Variants in YEATS4 observed in about 807,000 individuals in gnomAD.
YEATS4 encodes the protein YEATS domain containing 4, also known as YEATS domain-containing protein 4.
A neutral mutation model predicts 30.1 loss-of-function variants in YEATS4; 17 were observed. The ratio of observed to expected loss-of-function variants is 0.56; its 90% CI spans 0.39 to 0.85. The LOEUF (loss-of-function observed/expected upper bound fraction) is 0.85. YEATS4 is among the 40% of genes least tolerant of loss of function. The pLI is 0.00. For synonymous variants in YEATS4, 85 were observed against 87.5 expected (o/e 0.97, Z 0.16); for missense variants, 142 against 268.3 (o/e 0.53, Z 3.29).
the YEATS4 span, among the ~76,000 whole-genome samples, chr12:69,420,412 A>T: frequency 6.6e-6 from 1 of 151,484 alleles, no homozygotes; most frequent in East Asian, 2.0e-4. Context: ...GGTTAGGGGG[A>T]GGGGGACAGA....
chr12:69,420,478 A>T, the YEATS4 span, among the ~76,000 whole-genome samples: 1 of 152,154 alleles, frequency 6.6e-6, no homozygotes, highest in East Asian at 1.9e-4. Flanking sequence ...TAGAAACACA[A>T]CCAGGAGGAG....
At chr12:69,403,584 AAAAAAAAG>A in the YEATS4 span, among the ~76,000 whole-genome samples, 4 of 152,096 alleles carry the variant, frequency 2.6e-5, no homozygotes, top group East Asian at 7.7e-4. Context: ...CTCAAAAAAA[AAAAAAAAG>A]AAAAAAAGAG....
downstream of YEATS4, among the ~76,000 whole-genome samples, chr12:69,391,681 G>T (rs1182793563): frequency 2.6e-5 from 4 of 152,128 alleles, no homozygotes; most frequent in Non-Finnish European, 4.4e-5. Flanking sequence ...TTTCAATTGT[G>T]CCAGGCATCA....
chr12:69,378,970 G>A (rs964046085), intron 6 of YEATS4, among the ~76,000 whole-genome samples: 2 of 152,194 alleles, frequency 1.3e-5, no homozygotes, highest in Non-Finnish European at 2.9e-5. Flanking sequence ...AAATCTCTCA[G>A]CTTTTGTTTG....
the YEATS4 span, among the ~76,000 whole-genome samples, chr12:69,395,906 G>C: frequency 6.6e-6 from 1 of 152,152 alleles, no homozygotes; most frequent in African/African-American, 2.4e-5. Flanking sequence ...AAAGGTATGA[G>C]TTTCATCTAT....
chr12:69,402,500 A>T, the YEATS4 span, among the ~76,000 whole-genome samples: 1 of 152,158 alleles, frequency 6.6e-6, no homozygotes, highest in Non-Finnish European at 1.5e-5. Flanking sequence ...CCAGTCTTCT[A>T]GAGTTGGGAT....
In YEATS4 at chr12:69,370,757, C is replaced by G; in HGVS notation, c.385C>G (p.Leu129Val). The change falls in exon 5 of 7, where the codon CTG becomes GTG. Residue 129 changes from leucine (L) to valine (V), a missense_variant. By Grantham distance (32) the Leu-to-Val change is conservative. This residue lies in a region of YEATS4 where 64 missense variants were observed against 164.0 expected (regional missense o/e 0.39). Transcript: ENST00000247843. ...KLFQSDTNAMLGKKTVVSEFY... is the reference protein window; with the variant it reads ...KLFQSDTNAMVGKKTVVSEFY... Reference sequence around the variant, plus strand: ...GTTTCAATCAGACACCAATGCAATGCTGGGGAAAAAGACAGTGGTTTCAGA... The same window carrying G: ...GTTTCAATCAGACACCAATGCAATGGTGGGGAAAAAGACAGTGGTTTCAGA... 1 of 1,597,212 alleles carries G rather than the reference C, an allele frequency of 6.3e-7. No individual in the cohort carries two copies.
chr12:69,411,338 C>T, the YEATS4 span, among the ~76,000 whole-genome samples: 1,830 of 152,188 alleles, frequency 0.012, 17 homozygotes, highest in Non-Finnish European at 0.016. Context: ...CCATGTTGCC[C>T]AGGCTGGTCT....
At chr12:69,414,698 A>G in the YEATS4 span, among the ~76,000 whole-genome samples, 2 of 152,246 alleles carry the variant, frequency 1.3e-5, no homozygotes, top group African/African-American at 2.4e-5. Flanking sequence ...GTCTGGAGGT[A>G]GGACAATGCA....
At chr12:69,376,172 G>T (rs981857747) in intron 6 of YEATS4, among the ~76,000 whole-genome samples, 1 of 152,152 alleles carries the variant, frequency 6.6e-6, no homozygotes, top group Non-Finnish European at 1.5e-5. Context: ...TTCAAGACCA[G>T]CCTGGCCAAC....
chr12:69,410,083 A>G, the YEATS4 span, among the ~76,000 whole-genome samples: 3 of 152,208 alleles, frequency 2.0e-5, no homozygotes, highest in African/African-American at 7.2e-5. Flanking sequence ...GTGAAACTAT[A>G]TTATGGCAGC....
At chr12:69,386,588 T>G (rs1266066805) in intron 6 of YEATS4, among the ~76,000 whole-genome samples, 1 of 152,206 alleles carries the variant, frequency 6.6e-6, no homozygotes, top group Admixed American at 6.5e-5. Context: ...GTTTCCTGCC[T>G]CTGTACCCCA....
intron 6 of YEATS4, among the ~76,000 whole-genome samples, chr12:69,373,773 C>T (rs1330028714): frequency 6.6e-6 from 1 of 152,116 alleles, no homozygotes; most frequent in Admixed American, 6.5e-5. Context: ...AGATTTAAGT[C>T]TTTAATCCAT....
At chr12:69,420,405 TAG>T in the YEATS4 span, among the ~76,000 whole-genome samples, 1 of 150,282 alleles carries the variant, frequency 6.7e-6, no homozygotes, top group East Asian at 2.1e-4. Flanking sequence ...CTGGTTTGGT[TAG>T]GGGGAGGGGG....
chr12:69,375,101 C>T (rs2120985061), intron 6 of YEATS4, among the ~76,000 whole-genome samples: 1 of 151,508 alleles, frequency 6.6e-6, no homozygotes, highest in Admixed American at 6.6e-5. Flanking sequence ...TCCTCACTTC[C>T]CTGACGGGGT....
At chr12:69,382,520 T>G (rs1276494490) in intron 6 of YEATS4, among the ~76,000 whole-genome samples, 2 of 152,212 alleles carry the variant, frequency 1.3e-5, no homozygotes, top group Admixed American at 6.5e-5. Flanking sequence ...ACCACAAATA[T>G]TTACTTAAGG....
chr12:69,390,408 C>A lies in YEATS4; in HGVS notation c.*92C>A. On this transcript the variant is annotated 3_prime_UTR_variant, in exon 7 of 7. Coordinates refer to ENST00000247843, the MANE Select transcript of YEATS4 (RefSeq NM_006530.4). Reference sequence around the variant, plus strand: ...ACTTACTGCAAATGCTGTGATGTTTCTTAGAGGAACTTCATATACAGCTGT... The same window carrying A: ...ACTTACTGCAAATGCTGTGATGTTTATTAGAGGAACTTCATATACAGCTGT... The A allele has an allele frequency of 8.5e-7, 1 of 1,182,508 alleles. No homozygotes were observed. The highest frequency in any genetic ancestry group is 1.2e-6 in the Non-Finnish European group (1 of 868,374). The allele number at this position is 1,182,508 out of a possible 1,614,324, so 73.3% of individuals were successfully genotyped here.
chr12:69,400,630 A>G, the YEATS4 span, among the ~76,000 whole-genome samples: 1 of 151,896 alleles, frequency 6.6e-6, no homozygotes, highest in Non-Finnish European at 1.5e-5. Flanking sequence ...TGAGGATCAC[A>G]TGAGCCCAGG....
At chr12:69,423,385 C>G in the YEATS4 span, among the ~76,000 whole-genome samples, 3 of 152,066 alleles carry the variant, frequency 2.0e-5, no homozygotes, top group African/African-American at 7.2e-5. Context: ...AAACAGGGCA[C>G]TTTTGAGAAA....
Sources: gnomAD v4.1 joint callset for allele counts (sites outside exome capture counted in the v4.1 genomes callset) on GRCh38, gnomAD v4.1.1 for gene constraint, gnomAD v4.1.1 regional missense constraint, MANE v1.5 for transcripts, NCBI Gene and HGNC (gene_info 2026-07-23, HGNC 2026-07-21) for gene names.